The following PARD3 variants were observed in gnomAD, a reference collection of about 807,000 sequenced individuals.
PARD3 encodes the protein par-3 family cell polarity regulator.
Under a neutral mutation model 155.4 loss-of-function variants are expected in PARD3, and 75 were observed. The ratio of observed to expected loss-of-function variants is 0.48; its 90% CI spans 0.40 to 0.58. The LOEUF is 0.58. Ranked by LOEUF, PARD3 falls within the 20% of genes least tolerant of loss-of-function variation. The probability of loss-of-function intolerance (pLI) is 0.00; values close to 1 mark genes in which losing one functional copy is unlikely to be tolerated. For synonymous variants in PARD3, 576 were observed against 610.5 expected, an observed-to-expected ratio of 0.94 and a Z score of 0.83; for missense variants, 1,642 against 1,721.7, an observed-to-expected ratio of 0.95 and a Z score of 0.82.
chr10:34,200,363 C>T (rs1951154930), intron 22 of PARD3, among the ~76,000 whole-genome samples: 1 of 152,122 alleles, frequency 6.6e-6, no homozygotes, highest in Non-Finnish European at 1.5e-5. Flanking sequence ...AGACAGTAAA[C>T]TTATTGGGGG....
chr10:34,765,823 C>T (rs542346139), intron 1 of PARD3, among the ~76,000 whole-genome samples: 14 of 152,282 alleles, frequency 9.2e-5, no homozygotes, highest in Admixed American at 3.9e-4. Context: ...TTGTGAGCCA[C>T]GGAACATTCT....
At chr10:34,164,424 TATG>T (rs1423318210) in intron 22 of PARD3, among the ~76,000 whole-genome samples, 27 of 152,368 alleles carry the variant, frequency 1.8e-4, no homozygotes, top group Non-Finnish European at 2.9e-4. Context: ...GGTCATTTGA[TATG>T]ATAAGAATAC....
chr10:34,484,234 A>C (rs569934293), intron 3 of PARD3, among the ~76,000 whole-genome samples: 2 of 152,350 alleles, frequency 1.3e-5, no homozygotes, highest in South Asian at 4.1e-4. Context: ...CATCCAACAC[A>C]TGTTCATGAA....
chr10:34,736,899 A>C (rs1011587320), intron 1 of PARD3, among the ~76,000 whole-genome samples: 1 of 151,082 alleles, frequency 6.6e-6, no homozygotes, highest in Non-Finnish European at 1.5e-5. Flanking sequence ...TTGGTCTTGA[A>C]CTCCTGACCT....
At chr10:34,622,117 C>T (rs2091716523) in intron 2 of PARD3, among the ~76,000 whole-genome samples, 1 of 152,276 alleles carries the variant, frequency 6.6e-6, no homozygotes, top group African/African-American at 2.4e-5. Flanking sequence ...TGACAACATT[C>T]CTTGTTAAAG....
chr10:34,405,939 A>C (rs537267478), intron 5 of PARD3, among the ~76,000 whole-genome samples: 1 of 152,272 alleles, frequency 6.6e-6, no homozygotes, highest in South Asian at 2.1e-4. Context: ...CTTGCTCTAC[A>C]AACATCCTTG....
intron 21 of PARD3, among the ~76,000 whole-genome samples, chr10:34,270,115 A>G (rs959011415): frequency 1.3e-5 from 2 of 151,536 alleles, no homozygotes; most frequent in Non-Finnish European, 2.9e-5. Context: ...GTTCATGTCT[A>G]CAAGATTGCA....
chr10:34,229,642 T>G (rs958866432), intron 22 of PARD3, among the ~76,000 whole-genome samples: 7 of 143,428 alleles, frequency 4.9e-5, no homozygotes, highest in Non-Finnish European at 9.0e-5. Flanking sequence ...CCATCATAAT[T>G]CTTCTCTAGT....
At chr10:34,611,484 C>T (rs960913534) in intron 2 of PARD3, among the ~76,000 whole-genome samples, 3 of 152,158 alleles carry the variant, frequency 2.0e-5, no homozygotes, top group Non-Finnish European at 4.4e-5. Flanking sequence ...GGAAAAGACA[C>T]ATGCAGGAGT....
Position 34,337,288 on chromosome 10 carries a change from G to A in PARD3, c.2547C>T (p.Ser849=). The A allele has an allele frequency of 6.3e-7, 1 of 1,595,352 alleles. No homozygotes were observed. Among genetic ancestry groups the A allele is most frequent in the Non-Finnish European group, 8.5e-7 (1 of 1,171,814 alleles). ...GATTGTACTCACTACCTAAATCCATGCTTTTTGATTTTCGTGTTTTAACGA... is the reference window on the plus strand; with the variant it reads ...GATTGTACTCACTACCTAAATCCATACTTTTTGATTTTCGTGTTTTAACGA... ...LDFVKTRKSK[S]MDLGIADETK... Residue 849 remains serine (S), a synonymous_variant, in exon 17 of 25, where the codon AGC becomes AGT. Coordinates refer to ENST00000374788, the MANE Select transcript of PARD3 (RefSeq NM_001184785.2).
chr10:34,303,162 A>ATTTTTTTTTTTTTTTTTTTTTTTT (rs5784409), intron 20 of PARD3, among the ~76,000 whole-genome samples: 1 of 132,000 alleles, frequency 7.6e-6, no homozygotes, highest in African/African-American at 3.0e-5. Flanking sequence ...GCCCAGGTGA[A>ATTTTTTTTTTTTTTTTTTTTTTTT]TTTTTTTTTT....
At chr10:34,127,173 T>C (rs1440466610) in intron 23 of PARD3, among the ~76,000 whole-genome samples, 1 of 152,064 alleles carries the variant, frequency 6.6e-6, no homozygotes, top group African/African-American at 2.4e-5. Context: ...CATTTTCACT[T>C]TTCCCAATGA....
At chr10:34,153,842 T>C (rs1948882662) in intron 22 of PARD3, among the ~76,000 whole-genome samples, 1 of 152,220 alleles carries the variant, frequency 6.6e-6, no homozygotes, top group South Asian at 2.1e-4. Context: ...GATGACACTA[T>C]TTACAGTATC....
chr10:34,326,048 A>G (rs1383467040), intron 19 of PARD3, among the ~76,000 whole-genome samples: 2 of 150,896 alleles, frequency 1.3e-5, no homozygotes, highest in Admixed American at 1.3e-4. Flanking sequence ...GTGAACCAGG[A>G]CCTGGGAGTT....
At chr10:34,261,786 AAAG>A (rs1955010038) in intron 22 of PARD3, among the ~76,000 whole-genome samples, 2 of 38,374 alleles carry the variant, frequency 5.2e-5, no homozygotes, top group Non-Finnish European at 1.4e-4. Flanking sequence ...GAAAGAAAAG[AAAG>A]AAAGAAAGAA....
chr10:34,134,056 C>T (rs1207669993), intron 22 of PARD3, among the ~76,000 whole-genome samples: 2 of 152,210 alleles, frequency 1.3e-5, no homozygotes, highest in African/African-American at 2.4e-5. Flanking sequence ...CTTCAGTCCA[C>T]GTCACTTCAA....
At chr10:34,294,197 C>T (rs745770722) in intron 20 of PARD3, among the ~76,000 whole-genome samples, 8 of 152,174 alleles carry the variant, frequency 5.3e-5, no homozygotes, top group Non-Finnish European at 7.4e-5. Flanking sequence ...TACAAACACA[C>T]GCACAAGGTA....
chr10:34,610,661 A>G (rs975515489), intron 2 of PARD3, among the ~76,000 whole-genome samples: 1 of 152,208 alleles, frequency 6.6e-6, no homozygotes. Flanking sequence ...TCCTTTTTTG[A>G]AATATATATA....
intron 3 of PARD3, among the ~76,000 whole-genome samples, chr10:34,485,820 T>TA (rs1345528461): frequency 6.6e-6 from 1 of 152,014 alleles, no homozygotes; most frequent in African/African-American, 2.4e-5. Flanking sequence ...TATTTTGGGG[T>TA]AAAATACTTT....
Sources: allele counts gnomAD v4.1 joint callset (sites outside exome capture counted in the v4.1 genomes callset), GRCh38; gene constraint gnomAD v4.1.1; transcripts MANE v1.5; gene names NCBI Gene and HGNC (gene_info 2026-07-23, HGNC 2026-07-21).